Variants in TACR2 observed in about 807,000 individuals in gnomAD.
The protein encoded by TACR2 is tachykinin receptor 2.
A neutral mutation model predicts 28.9 loss-of-function variants in TACR2; 24 were observed. That is an observed-to-expected ratio of 0.83 (90% confidence interval 0.60 to 1.17). The LOEUF (loss-of-function observed/expected upper bound fraction) is 1.17. Among genes scored for constraint, TACR2 ranks in the 50% most tolerant of loss-of-function variants. The probability of loss-of-function intolerance (pLI) is 0.00; values close to 1 mark genes in which losing one functional copy is unlikely to be tolerated. For missense variants in TACR2, 487 were observed against 524.4 expected (o/e 0.93, Z 0.70); for synonymous variants, 222 against 212.6 (o/e 1.04, Z -0.38).
At chr10:69,409,266 G>A in intron 2 of TACR2, 191 bp from the exon 3 acceptor site, 3 of 479,662 alleles carry the variant, frequency 6.3e-6, no homozygotes, top group Non-Finnish European at 7.0e-6. Flanking sequence ...GCCAGGAGAC[G>A]GCTTCCCTGC....
At chr10:69,415,608 A>G (rs532869022) in intron 1 of TACR2, among the ~76,000 whole-genome samples, 1 of 152,362 alleles carries the variant, frequency 6.6e-6, no homozygotes, top group African/African-American at 2.4e-5. Context: ...GGAGTGAAAT[A>G]AAGACAACAA....
rs1277244749 is a variant in TACR2, at chr10:69,404,586, G to C, written c.*240C>G. 2.9e-6 allele frequency: 1 copy of C among 347,500 alleles called. No homozygotes were observed. Among genetic ancestry groups the C allele is most frequent in the Non-Finnish European group, 5.2e-6 (1 of 193,880 alleles). The allele number at this position is 347,500 out of a possible 1,614,324, so 21.5% of individuals were successfully genotyped here. On this transcript the variant is annotated 3_prime_UTR_variant, in exon 5 of 5. Coordinates refer to ENST00000373306, the MANE Select transcript of TACR2 (RefSeq NM_001057.3). The stretch of plus-strand genomic sequence containing the variant: ...AAGGCCTCAGGCTGCTTCTTGTCAT[G>C]GTGGAAAGTGGAAGGGAAGTGTTGT...
rs199674711 is a variant in TACR2 at position 69,405,008 on chromosome 10, T to A, written c.1015A>T (p.Thr339Ser). Residue 339 changes from threonine (T) to serine (S), a missense_variant, in exon 5 of 5, where the codon ACT becomes TCT. By Grantham distance (58) the Thr-to-Ser change is moderately conservative. Transcript: ENST00000373306. ...TPTKEDKLEL[T>S]PTTSLSTRVN... Reference sequence around the variant, plus strand: ...CTCGTGGAGAGGGAGGTCGTGGGAGTCAGCTCGAGCTTATCTTCCTTGGTG... The same window carrying A: ...CTCGTGGAGAGGGAGGTCGTGGGAGACAGCTCGAGCTTATCTTCCTTGGTG... 8.1e-5 allele frequency: 130 copies of A among 1,613,758 alleles called. 2 individuals are homozygous for A. The East Asian group carries it at 2.9e-3, about 35-fold the overall frequency.
chr10:69,409,511 C>G (rs369245561), intron 2 of TACR2, among the ~76,000 whole-genome samples: 1 of 152,142 alleles, frequency 6.6e-6, no homozygotes, highest in African/African-American at 2.4e-5. Context: ...ATAGTAGTCA[C>G]CCCTGATGGG....
At chr10:69,406,071 A>G (rs1840499439) in intron 4 of TACR2, among the ~76,000 whole-genome samples, 2 of 152,206 alleles carry the variant, frequency 1.3e-5, no homozygotes, top group South Asian at 4.1e-4. Flanking sequence ...GCAAAAAATC[A>G]TAGCTCCTTA....
At chr10:69,413,273 G>A (rs1589604141) in intron 2 of TACR2, among the ~76,000 whole-genome samples, 1 of 152,218 alleles carries the variant, frequency 6.6e-6, no homozygotes, top group East Asian at 1.9e-4. Flanking sequence ...TTAAAACCAG[G>A]CTTTCCCCAA....
rs1840508386 is a variant in TACR2, at chr10:69,407,103, AGAT to A, written c.916_918del (p.Ile306del). The A allele has an allele frequency of 1.2e-6, 2 of 1,613,784 alleles. No homozygotes were observed. Among genetic ancestry groups the A allele is most frequent in the South Asian group, 2.2e-5 (2 of 91,040 alleles). ...GCTCACCTGTGGTTGAGACAGCAGTAGATGATGGGATTGTACATGGTAGAGCTC... is the reference window on the plus strand; with the variant it reads ...GCTCACCTGTGGTTGAGACAGCAGTAGATGGGATTGTACATGGTAGAGCTC... On this transcript the variant is annotated inframe_deletion, in exon 4 of 5. Coordinates refer to ENST00000373306, the MANE Select transcript of TACR2 (RefSeq NM_001057.3).
At position 69,415,065 on chromosome 10, in the gene TACR2, C is replaced by T. The variant is rs141759934; in HGVS notation, c.467G>A (p.Trp156Ter). Reference protein sequence around the residue: ...PSTKAVIAGIWLVALALASPQ... With the variant: ...PSTKAVIAGI Reference sequence around the variant, plus strand: ...GGAGGCCAGGGCGAGAGCCACCAGCCAGATGCCAGCAATAACCGCCTTGGT... The same window carrying T: ...GGAGGCCAGGGCGAGAGCCACCAGCTAGATGCCAGCAATAACCGCCTTGGT... Residue 156 changes from tryptophan to a stop codon, truncating the protein, a stop_gained, in exon 2 of 5, where the codon TGG (tryptophan) becomes TAG (stop). Transcript: ENST00000373306. LOFTEE classifies it high-confidence loss of function. 5.8e-5 allele frequency: 94 copies of T among 1,613,752 alleles called. No homozygotes were observed. In the Admixed American group the frequency reaches 7.3e-4, roughly 13 times the overall value.
At position 69,415,096 on chromosome 10, in the gene TACR2, G is replaced by A. The variant is rs201322308; in HGVS notation, c.436C>T (p.Pro146Ser). 5.0e-6 allele frequency: 8 copies of A among 1,613,066 alleles called. No homozygotes were observed. The highest frequency in any genetic ancestry group is 1.7e-6 in the Non-Finnish European group (2 of 1,179,996). The stretch of plus-strand genomic sequence containing the variant: ...CCAGCAATAACCGCCTTGGTGCTGG[G>A]AGCTGAAAGCCGAGGCTGGAAGGGG... ...VHPFQPRLSA[P>S]STKAVIAGIW... The change falls in exon 2 of 5, where the codon CCC (proline) becomes TCC (serine). Residue 146 changes from proline (P) to serine (S), a missense_variant. By Grantham distance (74) the Pro-to-Ser change is moderately conservative (BLOSUM62 -1). Transcript: ENST00000373306.
chr10:69,407,202 T>C lies in TACR2; in HGVS notation c.820A>G (p.Ser274Gly). Reference protein sequence around the residue: ...LPYHLYFILGSFQEDIYCHKF... With the variant: ...LPYHLYFILGGFQEDIYCHKF... ...TGGCAGTAGATGTCCTCCTGGAAGC[T>C]GCCCAGGATGAAGTAGAGGTGGTAG... is the stretch of plus-strand genomic sequence containing the variant. Residue 274 changes from serine (S) to glycine (G), a missense_variant, in exon 4 of 5, where the codon AGC becomes GGC. Physicochemically the swap from Ser to Gly is moderately conservative, Grantham distance 56 (BLOSUM62 0). Coordinates refer to ENST00000373306, the MANE Select transcript of TACR2 (RefSeq NM_001057.3). 1 of 1,614,002 alleles carries C rather than the reference T, an allele frequency of 6.2e-7. No individual in the cohort carries two copies. The highest frequency in any genetic ancestry group is 1.1e-5 in the South Asian group (1 of 91,068).
chr10:69,414,273 C>G (rs1305241161), intron 2 of TACR2, among the ~76,000 whole-genome samples: 2 of 152,212 alleles, frequency 1.3e-5, no homozygotes, highest in Non-Finnish European at 2.9e-5. Flanking sequence ...ATCATGGACT[C>G]GTTCTGCCTC....
intron 2 of TACR2, among the ~76,000 whole-genome samples, chr10:69,412,088 G>T (rs1840573682): frequency 6.6e-6 from 1 of 152,152 alleles, no homozygotes; most frequent in African/African-American, 2.4e-5. Context: ...CCAAAGTGCT[G>T]GGATTACAGG....
intron 2 of TACR2, among the ~76,000 whole-genome samples, chr10:69,409,900 T>TATATAC (rs1554827793): frequency 2.5e-4 from 3 of 12,004 alleles, no homozygotes; most frequent in East Asian, 1.3e-3. Flanking sequence ...CATATATATA[T>TATATAC]ATACATATAT....
chr10:69,405,172 C>T (rs1840491067), intron 4 of TACR2, 88 bp from the exon 5 acceptor site: 1 of 1,109,784 alleles, frequency 9.0e-7, no homozygotes, highest in Admixed American at 2.3e-5. Flanking sequence ...AACTGACTCC[C>T]TTCCAGAGGA....
chr10:69,416,456 TCAG>T lies in TACR2; in HGVS notation c.-136_-134del. On this transcript the variant is annotated 5_prime_UTR_variant, in exon 1 of 5. Transcript: ENST00000373306. Reference sequence around the variant, plus strand: ...AGCAGATGCCAAGCGTGGTGGCACATCAGGAGAGCCTGGGGCCACTCCTAGGTC... The same window carrying T: ...AGCAGATGCCAAGCGTGGTGGCACATGAGAGCCTGGGGCCACTCCTAGGTC... 7.7e-7 allele frequency: 1 copy of T among 1,299,494 alleles called. No homozygotes were observed. The highest frequency in any genetic ancestry group is 1.0e-6 in the Non-Finnish European group (1 of 963,536). 80.5% of individuals were successfully genotyped at this position (1,299,494 alleles called of 1,614,324 possible). A position where few individuals can be genotyped will look rare whatever the true frequency, so the allele number is the denominator to read the frequency against.
In TACR2 at chr10:69,409,927, A is replaced by G. The variant is rs1448024708; in HGVS notation, c.588-852T>C. Among the ~76,000 whole-genome samples the G allele has an allele frequency of 2.7e-4, 20 of 74,864 alleles. 1 individual carries two copies. The highest frequency in any genetic ancestry group is 5.0e-4 in the African/African-American group (9 of 18,068). The allele number at this position is 74,864 out of a possible 152,430, so 49.1% of individuals were successfully genotyped here. A position where few individuals can be genotyped will look rare whatever the true frequency, so the allele number is the denominator to read the frequency against. On this transcript the variant is annotated intron_variant, in intron 2 of 4. Coordinates refer to ENST00000373306, the MANE Select transcript of TACR2 (RefSeq NM_001057.3). ...TACATATATATATATATATATATAT[A>G]TATATATATATATATAATCTGTATC...
intron 3 of TACR2, among the ~76,000 whole-genome samples, chr10:69,408,547 T>C (rs1589602532): frequency 6.6e-6 from 1 of 152,048 alleles, no homozygotes; most frequent in African/African-American, 2.4e-5. Context: ...GCTCAAGCTA[T>C]CCTCCCGCCT....
At chr10:69,409,928 T>TATATAC (rs1840554347) in intron 2 of TACR2, among the ~76,000 whole-genome samples, 1 of 89,160 alleles carries the variant, frequency 1.1e-5, no homozygotes, top group Non-Finnish European at 2.1e-5. Flanking sequence ...TATATATATA[T>TATATAC]ATATATATAT....
rs1564582710 is a variant in TACR2, at chr10:69,415,131, G to A, written c.401C>T (p.Ala134Val). 2 of 1,611,364 alleles carry A rather than the reference G, an allele frequency of 1.2e-6. No individual in the cohort carries two copies. The highest frequency in any genetic ancestry group is 1.1e-5 in the South Asian group (1 of 90,950). ...MTAIAADRYMAIVHPFQPRLS... is the reference protein window; with the variant it reads ...MTAIAADRYMVIVHPFQPRLS... ...CCGAGGCTGGAAGGGGTGGACGATG[G>A]CCATGTACCTGTGAGCAGAGGGCAG... Residue 134 changes from alanine to valine, a missense_variant, in exon 2 of 5, where the codon GCC becomes GTC. Coordinates refer to ENST00000373306, the MANE Select transcript of TACR2 (RefSeq NM_001057.3).
Sources: allele counts gnomAD v4.1 joint callset (sites outside exome capture counted in the v4.1 genomes callset), GRCh38; gene constraint gnomAD v4.1.1; transcripts MANE v1.5; gene names NCBI Gene and HGNC (gene_info 2026-07-23, HGNC 2026-07-21).